Variants in FBXL18 observed in about 807,000 individuals in gnomAD.
The protein encoded by FBXL18 is F-box/LRR-repeat protein 18.
In FBXL18, 36 loss-of-function variants were observed where a neutral mutation model predicts 46.0. The ratio of observed to expected loss-of-function variants is 0.78; its 90% confidence interval spans 0.60 to 1.03. The LOEUF (loss-of-function observed/expected upper bound fraction) is 1.03, where lower values mean the gene tolerates loss of function less well. FBXL18 is among the 50% of genes least tolerant of loss of function. FBXL18 has a pLI of 0.00. For missense variants in FBXL18, 977 were observed against 1,004.1 expected (o/e 0.97, Z 0.36); for synonymous variants, 557 against 465.3 (o/e 1.20, Z -2.54).
At chr7:5,490,364 C>A (rs987821431) in intron 4 of FBXL18, among the ~76,000 whole-genome samples, 10 of 152,220 alleles carry the variant, frequency 6.6e-5, no homozygotes, top group Admixed American at 2.6e-4. Flanking sequence ...TACCAAGCTC[C>A]AGCTCTCTCC....
At chr7:5,460,744 T>C (rs1321096548) in intron 4 of FBXL18, among the ~76,000 whole-genome samples, 1 of 152,194 alleles carries the variant, frequency 6.6e-6, no homozygotes, top group Non-Finnish European at 1.5e-5. Context: ...TGAGCCACCA[T>C]GCCCAGACTC....
intron 4 of FBXL18, among the ~76,000 whole-genome samples, chr7:5,459,330 T>C (rs1420601194): frequency 6.6e-6 from 1 of 152,078 alleles, no homozygotes; most frequent in Non-Finnish European, 1.5e-5. Flanking sequence ...GGGCCGGGCG[T>C]GGTGGTTCAT....
chr7:5,463,004 T>TATATAC (rs1221961422), intron 4 of FBXL18, among the ~76,000 whole-genome samples: 25 of 83,916 alleles, frequency 3.0e-4, no homozygotes, highest in Non-Finnish European at 5.3e-4. Context: ...ATAATATATA[T>TATATAC]ACACACACAC....
intron 4 of FBXL18, chr7:5,489,968 T>C: frequency 7.8e-7 from 1 of 1,275,290 alleles, no homozygotes; most frequent in Admixed American, 2.3e-5. Context: ...AGAAAAAAGA[T>C]TGATGCATAG....
intron 1 of FBXL18, among the ~76,000 whole-genome samples, chr7:5,508,342 G>C (rs1244657750): frequency 6.6e-6 from 1 of 151,662 alleles, no homozygotes; most frequent in Non-Finnish European, 1.5e-5. Flanking sequence ...AGCTACTCAG[G>C]AGGCTGAGCA....
At chr7:5,459,035 C>A (rs542460657) in intron 4 of FBXL18, among the ~76,000 whole-genome samples, 1 of 152,252 alleles carries the variant, frequency 6.6e-6, no homozygotes, top group African/African-American at 2.4e-5. Flanking sequence ...TACCTATAGT[C>A]ACAGCTACTG....
At position 5,483,753 on chromosome 7, in the gene FBXL18, G is replaced by C. The variant is rs369352842; in HGVS notation, c.2001-1822C>G. ...GAGCAAAACTCCGTCTCAAAAAAAA[G>C]ACAAAAAAAAAATCCAGAAACTTCT... On this transcript the variant is annotated intron_variant, in intron 4 of 4. Coordinates refer to ENST00000382368, the MANE Select transcript of FBXL18 (RefSeq NM_024963.6). Among the ~76,000 whole-genome samples, 859 of 120,660 alleles carry C rather than the reference G, an allele frequency of 7.1e-3. 8 individuals carry two copies. Among genetic ancestry groups the C allele is most frequent in the Middle Eastern group, 0.022 (5 of 224 alleles). 79.2% of individuals were successfully genotyped at this position (120,660 alleles called of 152,430 possible). A position where few individuals can be genotyped will look rare whatever the true frequency, so the allele number is the denominator to read the frequency against.
intron 1 of FBXL18, among the ~76,000 whole-genome samples, chr7:5,511,751 G>C (rs774171137): frequency 6.1e-5 from 9 of 147,794 alleles, no homozygotes; most frequent in Non-Finnish European, 1.3e-4. Context: ...CTGGGCGACA[G>C]AGCGAGACTC....
Position 5,501,370 on chromosome 7 carries a change from G to A in FBXL18, c.899C>T (p.Ser300Phe). Residue 300 changes from serine (S) to phenylalanine (F), a missense_variant, in exon 3 of 5, where the codon TCC becomes TTC. Coordinates refer to ENST00000382368, the MANE Select transcript of FBXL18 (RefSeq NM_024963.6). ...CAGGAGGGAAGAGCCGTTCAGCCAGGACTTGGGCAGCTGCAGGGCATCCAG... is the reference window on the plus strand; with the variant it reads ...CAGGAGGGAAGAGCCGTTCAGCCAGAACTTGGGCAGCTGCAGGGCATCCAG... ...VVLDALQLPK[S>F]WLNGSSLLQH... 6.2e-7 allele frequency: 1 copy of A among 1,614,094 alleles called. No homozygotes were observed. Among genetic ancestry groups the A allele is most frequent in the Non-Finnish European group, 8.5e-7 (1 of 1,180,026 alleles).
chr7:5,456,165 C>T (rs1197703469), intron 4 of FBXL18, among the ~76,000 whole-genome samples: 2 of 152,142 alleles, frequency 1.3e-5, no homozygotes, highest in African/African-American at 4.8e-5. Flanking sequence ...CTGCTGTCCT[C>T]CCCGAGGCTC....
At chr7:5,503,108 G>A (rs1252580779) in intron 2 of FBXL18, among the ~76,000 whole-genome samples, 2 of 152,258 alleles carry the variant, frequency 1.3e-5, no homozygotes, top group South Asian at 2.1e-4. Flanking sequence ...GAGGCCGGGC[G>A]CTTCAGCGCA....
chr7:5,500,979 C>T lies in FBXL18; in HGVS notation c.1290G>A (p.Pro430=), dbSNP rs1199714019. 3 of 1,546,344 alleles carry T rather than the reference C, an allele frequency of 1.9e-6. No homozygotes were observed. The highest frequency in any genetic ancestry group is 1.4e-5 in the African/African-American group (1 of 72,942). ...GCTGGGCGGGCGCGCGGTCGGCGCG[C>T]GGCGCGGAGTCAGCGACAGAGCAGA... ...LPVCSVADSA[P]RADRAPAQPA... is the part of the protein sequence containing the mutation. The change falls in exon 3 of 5, where the codon CCG becomes CCA. Residue 430 remains proline, a synonymous_variant. Coordinates refer to ENST00000382368, the MANE Select transcript of FBXL18 (RefSeq NM_024963.6).
intron 4 of FBXL18, among the ~76,000 whole-genome samples, chr7:5,488,607 C>T (rs939617722): frequency 4.6e-5 from 7 of 152,222 alleles, no homozygotes; most frequent in African/African-American, 9.6e-5. Flanking sequence ...GCAACGCCCA[C>T]TCCCAAGTCC....
At chr7:5,511,467 G>T (rs971847853) in intron 1 of FBXL18, among the ~76,000 whole-genome samples, 1 of 152,004 alleles carries the variant, frequency 6.6e-6, no homozygotes, top group Non-Finnish European at 1.5e-5. Flanking sequence ...AAATGCGGAC[G>T]TAGTGGCACG....
intron 3 of FBXL18, among the ~76,000 whole-genome samples, chr7:5,491,863 G>A (rs1783936113): frequency 6.6e-6 from 1 of 152,178 alleles, no homozygotes; most frequent in African/African-American, 2.4e-5. Flanking sequence ...GGGAAGCTCA[G>A]CTGGACAGGG....
chr7:5,471,377 C>A (rs913480092), downstream of FBXL18, among the ~76,000 whole-genome samples: 3 of 152,230 alleles, frequency 2.0e-5, no homozygotes, highest in East Asian at 5.8e-4. Context: ...CCCGGGTTCA[C>A]GCCATTCTCC....
intron 4 of FBXL18, among the ~76,000 whole-genome samples, chr7:5,485,916 G>C (rs1021252415): frequency 1.1e-4 from 16 of 151,392 alleles, no homozygotes; most frequent in Non-Finnish European, 2.1e-4. Context: ...AAAATTAGCC[G>C]GGCGTGGTGG....
chr7:5,456,564 G>T (rs547186738), intron 4 of FBXL18, among the ~76,000 whole-genome samples: 11 of 151,868 alleles, frequency 7.2e-5, no homozygotes, highest in African/African-American at 1.5e-4. Flanking sequence ...TCAGCAAGGT[G>T]GGGGGGCTCC....
At position 5,505,628 on chromosome 7, in the gene FBXL18, G is replaced by A. The variant is rs1423975336; in HGVS notation, c.21C>T (p.Asp7=). The change falls in exon 2 of 5, where the codon GAC becomes GAT. Residue 7 remains aspartate (D), a splice_region_variant and synonymous_variant. Transcript: ENST00000382368. MASSGE[D]ISNDDDDMHP... ...GCATGTCATCATCATCATTGGATAT[G>A]TCCTGAAAATAAGGGGGACACCATT... is the stretch of plus-strand genomic sequence containing the variant. 6 of 1,613,526 alleles carry A rather than the reference G, an allele frequency of 3.7e-6. No homozygotes were observed. In the East Asian group the frequency reaches 6.7e-5, roughly 18 times the overall value.
Sources: allele counts gnomAD v4.1 joint callset (sites outside exome capture counted in the v4.1 genomes callset), GRCh38; gene constraint gnomAD v4.1.1; transcripts MANE v1.5; gene names NCBI Gene and HGNC (gene_info 2026-07-23, HGNC 2026-07-21).